Variants in CNTN5 observed in about 807,000 individuals in gnomAD.
CNTN5 encodes the protein contactin-5.
A neutral mutation model predicts 129.1 loss-of-function variants in CNTN5; 77 were observed. That is an observed-to-expected ratio of 0.60 (90% CI 0.50 to 0.72). The LOEUF (loss-of-function observed/expected upper bound fraction) is 0.72, where lower values mean the gene tolerates loss of function less well. CNTN5 is among the 30% of genes least tolerant of loss of function. The pLI is 0.00. For missense variants in CNTN5, 1,478 were observed against 1,328.8 expected, an observed-to-expected ratio of 1.11 and a Z score of -1.75; for synonymous variants, 509 against 465.6, an observed-to-expected ratio of 1.09 and a Z score of -1.20.
chr11:99,369,593 T>A (rs191987920), intron 2 of CNTN5, among the ~76,000 whole-genome samples: 131 of 152,104 alleles, frequency 8.6e-4, no homozygotes, highest in Non-Finnish European at 1.8e-3. Flanking sequence ...GATTTAAAAA[T>A]TTGGATAAAT....
At chr11:99,898,368 G>C (rs1949265204) in intron 6 of CNTN5, among the ~76,000 whole-genome samples, 1 of 152,022 alleles carries the variant, frequency 6.6e-6, no homozygotes. Flanking sequence ...AATTGGAAAT[G>C]ATTAAGGTGA....
At chr11:99,848,301 A>G (rs980384932) in intron 6 of CNTN5, among the ~76,000 whole-genome samples, 1 of 152,200 alleles carries the variant, frequency 6.6e-6, no homozygotes, top group African/African-American at 2.4e-5. Flanking sequence ...AATATATTTA[A>G]TAGAATATAC....
intron 1 of CNTN5, among the ~76,000 whole-genome samples, chr11:99,044,736 G>A (rs1235906479): frequency 2.0e-5 from 3 of 152,166 alleles, no homozygotes; most frequent in East Asian, 1.9e-4. Context: ...AAAAGCCAAA[G>A]CAGGGTCCTC....
chr11:99,247,426 A>G (rs2135779493), intron 1 of CNTN5, among the ~76,000 whole-genome samples: 1 of 152,020 alleles, frequency 6.6e-6, no homozygotes, highest in Admixed American at 6.6e-5. Context: ...TAAAATATAC[A>G]GCCTTTGTAA....
intron 2 of CNTN5, among the ~76,000 whole-genome samples, chr11:99,493,615 C>CA (rs1232937418): frequency 1.3e-5 from 2 of 151,638 alleles, no homozygotes; most frequent in African/African-American, 4.8e-5. Context: ...AGTGCAGGTT[C>CA]AAAAAAACAA....
intron 1 of CNTN5, among the ~76,000 whole-genome samples, chr11:99,262,834 G>A (rs145836726): frequency 1.1e-4 from 16 of 151,938 alleles, no homozygotes; most frequent in African/African-American, 3.6e-4. Flanking sequence ...TAATGGTAAT[G>A]GCTTACAATT....
At chr11:100,024,248 T>G (rs533213570) in intron 9 of CNTN5, among the ~76,000 whole-genome samples, 19 of 152,172 alleles carry the variant, frequency 1.2e-4, no homozygotes, top group Non-Finnish European at 2.5e-4. Flanking sequence ...CACTTCTCTT[T>G]CCTGCCACCT....
intron 3 of CNTN5, among the ~76,000 whole-genome samples, chr11:99,587,351 A>C (rs916866339): frequency 2.0e-5 from 3 of 152,220 alleles, no homozygotes; most frequent in Admixed American, 2.0e-4. Context: ...GGATCTAAAC[A>C]AAACAATGCA....
chr11:99,464,203 G>T (rs1944845959), intron 2 of CNTN5, among the ~76,000 whole-genome samples: 1 of 152,180 alleles, frequency 6.6e-6, no homozygotes, highest in African/African-American at 2.4e-5. Flanking sequence ...TAACTTTGGG[G>T]AGTATCTTAT....
At chr11:99,178,998 A>G (rs1857916067) in intron 1 of CNTN5, among the ~76,000 whole-genome samples, 1 of 152,220 alleles carries the variant, frequency 6.6e-6, no homozygotes, top group African/African-American at 2.4e-5. Context: ...AGATATACAC[A>G]CATAATATAT....
intron 1 of CNTN5, among the ~76,000 whole-genome samples, chr11:99,051,326 C>T (rs1864417624): frequency 6.6e-6 from 1 of 151,914 alleles, no homozygotes; most frequent in South Asian, 2.1e-4. Flanking sequence ...AAGCAAATAA[C>T]TGAATCGTTA....
chr11:99,675,779 A>C (rs1362314588), intron 3 of CNTN5, among the ~76,000 whole-genome samples: 3 of 152,174 alleles, frequency 2.0e-5, no homozygotes, highest in Non-Finnish European at 2.9e-5. Flanking sequence ...GAGAGAAGGC[A>C]CATAGCCCCT....
intron 13 of CNTN5, among the ~76,000 whole-genome samples, chr11:100,116,307 T>A (rs1327663132): frequency 6.6e-6 from 1 of 152,030 alleles, no homozygotes; most frequent in Admixed American, 6.6e-5. Flanking sequence ...CAAAACTAAA[T>A]GTATTAATAA....
chr11:99,139,767 T>C (rs1859423773), intron 1 of CNTN5, among the ~76,000 whole-genome samples: 1 of 152,174 alleles, frequency 6.6e-6, no homozygotes, highest in South Asian at 2.1e-4. Flanking sequence ...TTGACAATTA[T>C]GCTAACAGAA....
At chr11:99,433,371 A>AAAATGTGTG (rs1555143805) in intron 2 of CNTN5, among the ~76,000 whole-genome samples, 15 of 140,838 alleles carry the variant, frequency 1.1e-4, no homozygotes, top group Non-Finnish European at 9.2e-5. Flanking sequence ...TAAAAAAAAA[A>AAAATGTGTG]TGTGTGTGTG....
intron 16 of CNTN5, among the ~76,000 whole-genome samples, chr11:100,243,506 C>T (rs767092116): frequency 1.2e-4 from 18 of 152,286 alleles, no homozygotes; most frequent in Non-Finnish European, 2.2e-4. Flanking sequence ...TGCTGCTTCT[C>T]ATTTATGGAG....
intron 2 of CNTN5, among the ~76,000 whole-genome samples, chr11:99,362,177 T>C (rs534625942): frequency 6.6e-6 from 1 of 152,032 alleles, no homozygotes. Flanking sequence ...ATAGCCAAGC[T>C]TATGGGTATA....
At position 99,683,814 on chromosome 11, in the gene CNTN5, A is replaced by G. The variant is rs139666947; in HGVS notation, c.55+127545A>G. ...GTCAGTAATGCTTTCTTAAAAATCT[A>G]TTTCTAATTGGAAATTTTAAAAATT... On this transcript the variant is annotated intron_variant, in intron 3 of 24. Transcript: ENST00000524871. 2.7e-3 allele frequency among the ~76,000 whole-genome samples: 415 copies of G among 151,820 alleles called. 2 individuals carry two copies. The highest frequency in any genetic ancestry group is 8.4e-3 in the African/African-American group (346 of 41,432).
intron 9 of CNTN5, among the ~76,000 whole-genome samples, chr11:100,045,720 TAAA>T (rs34822140): frequency 7.1e-6 from 1 of 140,680 alleles, no homozygotes; most frequent in African/African-American, 2.6e-5. Context: ...CATTTATTAT[TAAA>T]AAAAAAAAAA....
Sources: gnomAD v4.1 joint callset for allele counts (sites outside exome capture counted in the v4.1 genomes callset) on GRCh38, gnomAD v4.1.1 for gene constraint, MANE v1.5 for transcripts, NCBI Gene and HGNC (gene_info 2026-07-23, HGNC 2026-07-21) for gene names.